ASCC2: variants seen among roughly 807,000 people sequenced by gnomAD.
The protein encoded by ASCC2 is activating signal cointegrator 1 complex subunit 2, also known as ASC-1 complex subunit P100.
Under a neutral mutation model 93.5 loss-of-function variants are expected in ASCC2, and 42 were observed. That is an observed-to-expected ratio of 0.45 (90% CI 0.35 to 0.58). ASCC2 has a LOEUF of 0.58. Ranked by LOEUF, ASCC2 falls within the 20% of genes least tolerant of loss-of-function variation. ASCC2 has a pLI of 0.00. For synonymous variants in ASCC2, 364 were observed against 384.2 expected (o/e 0.95, Z 0.62); for missense variants, 859 against 977.6 (o/e 0.88, Z 1.62).
intron 1 of ASCC2, among the ~76,000 whole-genome samples, chr22:29,837,777 C>T (rs1341485660): frequency 6.6e-6 from 1 of 152,236 alleles, no homozygotes; most frequent in Non-Finnish European, 1.5e-5. Flanking sequence ...TTGTCGTTGA[C>T]CATCTCCTCC....
At chr22:29,832,855 C>T (rs942643371) in intron 1 of ASCC2, among the ~76,000 whole-genome samples, 6 of 152,130 alleles carry the variant, frequency 3.9e-5, no homozygotes, top group African/African-American at 1.4e-4. Flanking sequence ...ATCCTCCCAC[C>T]TCAGCCTCCT....
chr22:29,827,331 G>A, intron 2 of ASCC2: 1 of 243,092 alleles, frequency 4.1e-6, no homozygotes, highest in Non-Finnish European at 8.4e-6. Flanking sequence ...GGAAGTGGTA[G>A]CAGGAGGATG....
chr22:29,792,884 G>A (rs1351559738), intron 17 of ASCC2, among the ~76,000 whole-genome samples: 1 of 152,142 alleles, frequency 6.6e-6, no homozygotes, highest in Non-Finnish European at 1.5e-5. Flanking sequence ...GGTGGCTCAC[G>A]CCTGTAATAC....
chr22:29,792,646 G>T, intron 17 of ASCC2, 111 bp from the exon 18 acceptor site: 1 of 1,455,170 alleles, frequency 6.9e-7, no homozygotes, highest in Non-Finnish European at 9.3e-7. Flanking sequence ...GGGCTCAGGA[G>T]GTTGGGAAAA....
chr22:29,816,311 T>G (rs2060847134), intron 5 of ASCC2, among the ~76,000 whole-genome samples: 1 of 152,146 alleles, frequency 6.6e-6, no homozygotes, highest in Admixed American at 6.5e-5. Context: ...TTTAACCTTT[T>G]AAGTACCTCT....
chr22:29,794,710 G>A lies in ASCC2; in HGVS notation c.1689-1034C>T, dbSNP rs6006260. 2.0e-3 allele frequency among the ~76,000 whole-genome samples: 305 copies of A among 152,326 alleles called. 5 individuals carry two copies. The highest frequency in any genetic ancestry group is 0.018 in the South Asian group (88 of 4,830). ...AACTGTGCCACATCTGTATTAGATC[G>A]TTGTGTGGTAGTTGTCAAGAAAGAC... is the stretch of plus-strand genomic sequence containing the variant. On this transcript the variant is annotated intron_variant, in intron 15 of 19. Coordinates refer to ENST00000307790, the MANE Select transcript of ASCC2 (RefSeq NM_032204.5).
intron 15 of ASCC2, among the ~76,000 whole-genome samples, chr22:29,795,037 G>C (rs1340891676): frequency 6.6e-6 from 1 of 151,496 alleles, no homozygotes; most frequent in Admixed American, 6.6e-5. Context: ...CGATTCTCGT[G>C]CCTCAGGCTC....
At position 29,802,169 on chromosome 22, in the gene ASCC2, C is replaced by G. The variant is rs1346546701; in HGVS notation, c.1393G>C (p.Gly465Arg). 2 of 1,614,186 alleles carry G rather than the reference C, an allele frequency of 1.2e-6. No homozygotes were observed. The highest frequency in any genetic ancestry group is 1.7e-4 in the Middle Eastern group (1 of 6,048). The change falls in exon 14 of 20, where the codon GGG becomes CGG. Residue 465 changes from glycine to arginine, a missense_variant. Gly to Arg is a moderately radical substitution (Grantham distance 125). Coordinates refer to ENST00000307790, the MANE Select transcript of ASCC2 (RefSeq NM_032204.5). The part of the protein sequence containing the change: ...AAAAVGPAMC[G>R]VELDSLISQV... ...GAGATGAGAGAGTCCAGTTCCACCC[C>G]ACACATGGCAGGGCCCACAGCCGCG...
At chr22:29,821,860 A>C in intron 5 of ASCC2, 1 of 388,218 alleles carries the variant, frequency 2.6e-6, no homozygotes, top group Non-Finnish European at 5.0e-6. Flanking sequence ...TTCGCCAGGC[A>C]TGGTGGTGTG....
chr22:29,823,101 C>T (rs1376303930), intron 4 of ASCC2, among the ~76,000 whole-genome samples: 1 of 151,700 alleles, frequency 6.6e-6, no homozygotes, highest in Non-Finnish European at 1.5e-5. Context: ...TGCAGTGGTG[C>T]TATCTCGGCT....
At chr22:29,795,217 G>A (rs940279148) in intron 15 of ASCC2, among the ~76,000 whole-genome samples, 12 of 151,866 alleles carry the variant, frequency 7.9e-5, no homozygotes, top group Middle Eastern at 3.2e-3. Flanking sequence ...ATGAGCCACC[G>A]TGCCCAGCCT....
chr22:29,821,884 AG>A, intron 5 of ASCC2: 2 of 426,960 alleles, frequency 4.7e-6, no homozygotes, highest in South Asian at 3.3e-5. Context: ...CTGTAGTCCC[AG>A]GTACCTGGGA....
chr22:29,796,800 G>T (rs1316407470), intron 15 of ASCC2, among the ~76,000 whole-genome samples: 1 of 152,198 alleles, frequency 6.6e-6, no homozygotes, highest in Non-Finnish European at 1.5e-5. Flanking sequence ...GGGCCTAATA[G>T]GTTCCAGGAC....
rs28604454 is a variant in ASCC2, at chr22:29,813,597, G to T, written c.721-55C>A. 19 of 1,180,266 alleles carry T rather than the reference G, an allele frequency of 1.6e-5. No homozygotes were observed. In the South Asian group the frequency reaches 2.4e-4, roughly 15 times the overall value. The allele number at this position is 1,180,266 out of a possible 1,614,324, so 73.1% of individuals were successfully genotyped here. A position where few individuals can be genotyped will look rare whatever the true frequency, so the allele number is the denominator to read the frequency against. ...CTCCTCTGTCCACACATACAGATCT[G>T]CAGAGCACCTGAGACAACATTAAAA... On this transcript the variant is annotated intron_variant, in intron 7 of 19. Transcript: ENST00000307790.
At chr22:29,790,611 T>C in intron 18 of ASCC2, 63 bp from the exon 19 acceptor site, 5 of 1,531,092 alleles carry the variant, frequency 3.3e-6, no homozygotes, top group Non-Finnish European at 4.5e-6. Flanking sequence ...TAAGCGGCGA[T>C]GAGGCCCTGC....
intron 8 of ASCC2, among the ~76,000 whole-genome samples, chr22:29,812,128 C>T (rs1448080028): frequency 6.6e-6 from 1 of 152,230 alleles, no homozygotes; most frequent in African/African-American, 2.4e-5. Context: ...ACAGCACCAG[C>T]TGCCATCTCT....
chr22:29,790,659 G>T (rs1481301813), intron 18 of ASCC2, 111 bp from the exon 19 acceptor site: 4 of 1,133,136 alleles, frequency 3.5e-6, no homozygotes, highest in Non-Finnish European at 5.2e-6. Flanking sequence ...GCCAGGTGTG[G>T]GGGGAAGCTG....
In ASCC2 at chr22:29,806,470, C is replaced by T. The variant is rs1041566711; in HGVS notation, c.1085+15G>A. ...TGGGAGGGTCATGGGCCCAGGCCAG[C>T]TCAGCCACACTCACCTCTTCTCCTG... On this transcript the variant is annotated intron_variant, in intron 11 of 19. Coordinates refer to ENST00000307790, the MANE Select transcript of ASCC2 (RefSeq NM_032204.5). 6 of 1,613,536 alleles carry T rather than the reference C, an allele frequency of 3.7e-6. No individual in the cohort carries two copies. The Admixed American group carries it at 1.0e-4, about 27-fold the overall frequency.
chr22:29,803,385 C>T (rs997643945), intron 13 of ASCC2, among the ~76,000 whole-genome samples: 1 of 152,136 alleles, frequency 6.6e-6, no homozygotes, highest in African/African-American at 2.4e-5. Flanking sequence ...CAGGATGCTT[C>T]CCCTCTCTGA....
Sources: allele counts gnomAD v4.1 joint callset (sites outside exome capture counted in the v4.1 genomes callset), GRCh38; gene constraint gnomAD v4.1.1; transcripts MANE v1.5; gene names NCBI Gene and HGNC (gene_info 2026-07-23, HGNC 2026-07-21).